GRID2: variants seen among roughly 807,000 people sequenced by gnomAD.
GRID2 encodes glutamate receptor ionotropic, delta-2.
In GRID2, 33 loss-of-function variants were observed where a neutral mutation model predicts 114.8. That is an observed-to-expected ratio of 0.29 (90% CI 0.22 to 0.38). The LOEUF (loss-of-function observed/expected upper bound fraction) is 0.38, where lower values mean the gene tolerates loss of function less well. Among genes scored for constraint, GRID2 ranks in the 10% least tolerant of loss-of-function variants. The pLI is 1.00. For synonymous variants in GRID2, 505 were observed against 449.9 expected (o/e 1.12, Z -1.55); for missense variants, 1,184 against 1,257.7 (o/e 0.94, Z 0.89).
intron 8 of GRID2, among the ~76,000 whole-genome samples, chr4:93,252,950 A>G (rs538407757): frequency 1.3e-5 from 2 of 152,274 alleles, no homozygotes; most frequent in South Asian, 4.1e-4. Flanking sequence ...GCAATTTTAC[A>G]TATAATAATA....
chr4:92,864,834 G>C (rs1448384840), intron 2 of GRID2, among the ~76,000 whole-genome samples: 1 of 152,126 alleles, frequency 6.6e-6, no homozygotes, highest in Non-Finnish European at 1.5e-5. Context: ...CTGTATCACG[G>C]AACATAAATT....
At chr4:92,930,710 A>G (rs1296976239) in intron 2 of GRID2, among the ~76,000 whole-genome samples, 1 of 150,928 alleles carries the variant, frequency 6.6e-6, no homozygotes, top group Non-Finnish European at 1.5e-5. Flanking sequence ...TGTTGAAAGA[A>G]AAGTCCTGTC....
intron 8 of GRID2, among the ~76,000 whole-genome samples, chr4:93,310,562 C>T (rs1042934175): frequency 2.0e-5 from 3 of 151,794 alleles, no homozygotes; most frequent in Admixed American, 2.0e-4. Flanking sequence ...AAATTGAGAA[C>T]ACAGAAAGAT....
intron 2 of GRID2, among the ~76,000 whole-genome samples, chr4:93,058,002 T>A (rs1379113049): frequency 7.0e-6 from 1 of 141,914 alleles, no homozygotes; most frequent in Non-Finnish European, 1.5e-5. Flanking sequence ...CTTTACTGAC[T>A]TTTTTTCATT....
chr4:93,809,369 C>G (rs1033634682), exon 2 of GRID2: 1 of 152,096 alleles, frequency 6.6e-6, no homozygotes, highest in African/African-American at 2.4e-5. Flanking sequence ...GCCACGATAC[C>G]GATACCCAGC....
intron 2 of GRID2, among the ~76,000 whole-genome samples, chr4:92,862,488 G>A (rs1197505130): frequency 6.6e-6 from 1 of 151,750 alleles, no homozygotes; most frequent in Admixed American, 6.6e-5. Context: ...ACTTCTATTA[G>A]TCGGCATGTT....
intron 2 of GRID2, among the ~76,000 whole-genome samples, chr4:93,033,342 G>A (rs1220277673): frequency 3.9e-5 from 6 of 152,216 alleles, no homozygotes; most frequent in South Asian, 4.1e-4. Flanking sequence ...AAAAACCACC[G>A]CAGGAAGAAG....
intron 14 of GRID2, among the ~76,000 whole-genome samples, chr4:93,659,533 T>C (rs1723304071): frequency 6.6e-6 from 1 of 152,230 alleles, no homozygotes; most frequent in African/African-American, 2.4e-5. Context: ...AAAATTTTAA[T>C]TTGATAGATG....
intron 2 of GRID2, among the ~76,000 whole-genome samples, chr4:92,988,455 T>C (rs1263544117): frequency 3.9e-5 from 6 of 152,162 alleles, no homozygotes; most frequent in Non-Finnish European, 5.9e-5. Flanking sequence ...GCCAGACTCT[T>C]CTTGTAATCT....
chr4:93,371,346 G>A (rs560751348), intron 8 of GRID2, among the ~76,000 whole-genome samples: 1 of 152,142 alleles, frequency 6.6e-6, no homozygotes, highest in South Asian at 2.1e-4. Flanking sequence ...AGCCATTACT[G>A]TGTTCTGTTA....
chr4:92,786,074 A>C lies in GRID2; in HGVS notation c.244+195788A>C, dbSNP rs1739308976. On this transcript the variant is annotated intron_variant, in intron 2 of 15. Coordinates refer to ENST00000282020, the MANE Select transcript of GRID2 (RefSeq NM_001510.4). ...AATCTAAAAAGTTAAAAAGAAAACAACTGTATGTATGTCACATGAATCTGT... is the reference window on the plus strand; with the variant it reads ...AATCTAAAAAGTTAAAAAGAAAACACCTGTATGTATGTCACATGAATCTGT... 1.3e-5 allele frequency among the ~76,000 whole-genome samples: 2 copies of C among 151,866 alleles called. 1 individual carries two copies. The highest frequency in any genetic ancestry group is 4.1e-4 in the South Asian group (2 of 4,826).
intron 2 of GRID2, among the ~76,000 whole-genome samples, chr4:92,633,501 C>T (rs1417006502): frequency 4.6e-5 from 7 of 152,246 alleles, no homozygotes; most frequent in South Asian, 2.1e-4. Flanking sequence ...CTACATATAA[C>T]GAATTCCTAG....
At chr4:92,609,007 C>T (rs1208691407) in intron 2 of GRID2, among the ~76,000 whole-genome samples, 1 of 151,634 alleles carries the variant, frequency 6.6e-6, no homozygotes. Context: ...ACATAAATAA[C>T]ATTAATATAG....
intron 4 of GRID2, among the ~76,000 whole-genome samples, chr4:93,128,937 T>C (rs1020770657): frequency 6.6e-6 from 1 of 152,200 alleles, no homozygotes; most frequent in African/African-American, 2.4e-5. Context: ...ATGGTATTAC[T>C]AAATTATCCA....
intron 2 of GRID2, among the ~76,000 whole-genome samples, chr4:92,857,279 T>C (rs983654402): frequency 2.6e-5 from 4 of 152,118 alleles, no homozygotes; most frequent in Non-Finnish European, 4.4e-5. Context: ...CTAGAAATAA[T>C]TAAGCTTAGT....
At chr4:93,294,803 G>A (rs1242507753) in intron 8 of GRID2, among the ~76,000 whole-genome samples, 1 of 152,010 alleles carries the variant, frequency 6.6e-6, no homozygotes, top group Non-Finnish European at 1.5e-5. Flanking sequence ...CAGGTGATCG[G>A]CCCGCCTCAG....
At chr4:93,040,870 A>G (rs1725451096) in intron 2 of GRID2, among the ~76,000 whole-genome samples, 1 of 152,104 alleles carries the variant, frequency 6.6e-6, no homozygotes, top group Admixed American at 6.6e-5. Context: ...AGCTGTATTT[A>G]TGGCATCTTT....
chr4:92,411,655 G>GTGTGTGTGTATATATATATA, intron 1 of GRID2, among the ~76,000 whole-genome samples: 1 of 84,724 alleles, frequency 1.2e-5, no homozygotes, highest in Admixed American at 1.2e-4. Context: ...GTGTGTGTGT[G>GTGTGTGTGTATATATATATA]TATATATATA....
chr4:93,310,718 A>G (rs569023845), intron 8 of GRID2, among the ~76,000 whole-genome samples: 1 of 152,166 alleles, frequency 6.6e-6, no homozygotes, highest in Non-Finnish European at 1.5e-5. Context: ...TACTGGAAAG[A>G]GTTTTATTGT....
Sources: allele counts gnomAD v4.1 joint callset (sites outside exome capture counted in the v4.1 genomes callset), GRCh38; gene constraint gnomAD v4.1.1; transcripts MANE v1.5; gene names NCBI Gene and HGNC (gene_info 2026-07-23, HGNC 2026-07-21).